The following NCOA1 variants were observed in gnomAD, a reference collection of about 807,000 sequenced individuals.
NCOA1 encodes the protein Hin-2 protein.
Under a neutral mutation model 150.9 loss-of-function variants are expected in NCOA1, and 35 were observed. That is an observed-to-expected ratio of 0.23 (90% CI 0.18 to 0.31). NCOA1 has a LOEUF of 0.31. Ranked by LOEUF, NCOA1 falls within the 10% of genes least tolerant of loss-of-function variation. The pLI, the probability that NCOA1 is intolerant of heterozygous loss-of-function variation, is 1.00. For synonymous variants in NCOA1, 590 were observed against 630.0 expected, an observed-to-expected ratio of 0.94 and a Z score of 0.95; for missense variants, 1,491 against 1,749.3, an observed-to-expected ratio of 0.85 and a Z score of 2.63.
At chr2:24,764,119 C>T (rs1433811054) in intron 22 of NCOA1, among the ~76,000 whole-genome samples, 1 of 152,152 alleles carries the variant, frequency 6.6e-6, no homozygotes, top group Non-Finnish European at 1.5e-5. Flanking sequence ...TTAAGCCTCA[C>T]TATAACCCTA....
intron 7 of NCOA1, among the ~76,000 whole-genome samples, chr2:24,674,078 T>C (rs1671793526): frequency 6.6e-6 from 1 of 152,052 alleles, no homozygotes; most frequent in African/African-American, 2.4e-5. Context: ...CTCATTACTT[T>C]AAATGCTTTC....
intron 1 of NCOA1, among the ~76,000 whole-genome samples, chr2:24,553,525 C>T (rs1244085245): frequency 2.0e-5 from 3 of 152,048 alleles, no homozygotes; most frequent in South Asian, 2.1e-4. Context: ...GCACAAATGC[C>T]GTTTTTTTCC....
intron 1 of NCOA1, among the ~76,000 whole-genome samples, chr2:24,549,056 C>T (rs1302080747): frequency 2.6e-5 from 4 of 152,184 alleles, no homozygotes; most frequent in Admixed American, 2.6e-4. Flanking sequence ...ACTGCCCTAA[C>T]AGAGGTTCTC....
intron 11 of NCOA1, among the ~76,000 whole-genome samples, chr2:24,699,435 A>G (rs1290188376): frequency 6.6e-6 from 1 of 152,202 alleles, no homozygotes; most frequent in Non-Finnish European, 1.5e-5. Context: ...TTAAAGTATT[A>G]TAAGTAACTA....
rs763158265 is a variant in NCOA1, at chr2:24,705,243, A to T, written c.1097+10A>T. The T allele has an allele frequency of 7.4e-6, 12 of 1,612,656 alleles. No individual in the cohort carries two copies. In the Admixed American group the frequency reaches 1.8e-4, roughly 25 times the overall value. ...TTCATATCATCGACAGGTACTACTT[A>T]TTTGGAGAGCTTCATATGAAATAAG... On this transcript the variant is annotated intron_variant, in intron 12 of 22. Transcript: ENST00000348332.
At chr2:24,597,530 C>T (rs1667932156) in intron 3 of NCOA1, among the ~76,000 whole-genome samples, 1 of 151,986 alleles carries the variant, frequency 6.6e-6, no homozygotes, top group Non-Finnish European at 1.5e-5. Flanking sequence ...GGAAGATTTT[C>T]AGGAAATGGC....
At chr2:24,600,523 G>GT (rs1668069491) in intron 3 of NCOA1, among the ~76,000 whole-genome samples, 1 of 152,116 alleles carries the variant, frequency 6.6e-6, no homozygotes, top group Admixed American at 6.5e-5. Flanking sequence ...AAATTATTAT[G>GT]TTTTTTATTT....
rs1673353041 is a variant in NCOA1 at position 24,705,112 on chromosome 2, C to G, written c.976C>G (p.Pro326Ala). ...EVMTRGTASSPSYRFILNDGT... is the reference protein window; with the variant it reads ...EVMTRGTASSASYRFILNDGT... ...GATGACTCGTGGCACTGCCTCCAGC[C>G]CCTCCTATAGATTCATATTGAATGA... Residue 326 changes from proline (P) to alanine (A), a missense_variant, in exon 12 of 23, where the codon CCC becomes GCC. Physicochemically the swap from Pro to Ala is conservative, Grantham distance 27. Coordinates refer to ENST00000348332, the MANE Select transcript of NCOA1 (RefSeq NM_003743.5). 3 of 1,613,768 alleles carry G rather than the reference C, an allele frequency of 1.9e-6. No homozygotes were observed. The highest frequency in any genetic ancestry group is 1.1e-5 in the South Asian group (1 of 91,024).
At chr2:24,677,088 A>G (rs1218502808) in intron 7 of NCOA1, among the ~76,000 whole-genome samples, 1 of 152,186 alleles carries the variant, frequency 6.6e-6, no homozygotes, top group Non-Finnish European at 1.5e-5. Context: ...TCACACCTGT[A>G]ATCCCAGCAC....
At chr2:24,724,020 C>A (rs1558316306) in intron 14 of NCOA1, among the ~76,000 whole-genome samples, 1 of 152,090 alleles carries the variant, frequency 6.6e-6, no homozygotes. Context: ...ATATCCTAAT[C>A]TTGGAAGTGA....
intron 6 of NCOA1, among the ~76,000 whole-genome samples, chr2:24,670,147 A>AC (rs1281204915): frequency 1.3e-5 from 2 of 151,732 alleles, no homozygotes; most frequent in Non-Finnish European, 2.9e-5. Context: ...AGGAAAAAAA[A>AC]CAGAAAAAGG....
At chr2:24,613,318 G>A (rs1484910663) in intron 3 of NCOA1, among the ~76,000 whole-genome samples, 1 of 152,198 alleles carries the variant, frequency 6.6e-6, no homozygotes, top group African/African-American at 2.4e-5. Flanking sequence ...ACAGGAAGAA[G>A]CTCTCTGTTG....
chr2:24,638,252 C>G (rs1012860320), intron 3 of NCOA1, among the ~76,000 whole-genome samples: 1 of 117,510 alleles, frequency 8.5e-6, no homozygotes, highest in Non-Finnish European at 1.8e-5. Flanking sequence ...ATTTTCTGTT[C>G]CTGGCTTATT....
chr2:24,571,627 T>A (rs1168510758), intron 2 of NCOA1, among the ~76,000 whole-genome samples: 1 of 152,208 alleles, frequency 6.6e-6, no homozygotes, highest in Non-Finnish European at 1.5e-5. Context: ...TTTTAATCCC[T>A]CTACTCCAGT....
intron 13 of NCOA1, 111 bp from the exon 14 acceptor site, chr2:24,710,820 A>C (rs7593430): frequency 0.89 from 886,943 of 1,000,054 alleles, 395,451 homozygotes; most frequent in East Asian, 0.99. Flanking sequence ...TTTCTTCATT[A>C]TCTCAAAGTC....
intron 3 of NCOA1, among the ~76,000 whole-genome samples, chr2:24,589,610 GGGAGA>G (rs1322358229): frequency 6.6e-6 from 1 of 150,818 alleles, no homozygotes; most frequent in East Asian, 2.0e-4. Flanking sequence ...AGTAGGCATA[GGGAGA>G]GGAAAGAGGT....
intron 14 of NCOA1, among the ~76,000 whole-genome samples, chr2:24,714,009 A>T (rs186307839): frequency 2.0e-4 from 30 of 152,330 alleles, no homozygotes; most frequent in Non-Finnish European, 3.4e-4. Context: ...AAGGAAGAAC[A>T]ACTATCAGGA....
chr2:24,668,818 G>A (rs1296789675), intron 6 of NCOA1, among the ~76,000 whole-genome samples: 5 of 151,206 alleles, frequency 3.3e-5, no homozygotes, highest in African/African-American at 1.2e-4. Flanking sequence ...AAAAAGGAAC[G>A]CATAAGAGTA....
intron 7 of NCOA1, among the ~76,000 whole-genome samples, chr2:24,676,835 G>A (rs1671932695): frequency 6.6e-6 from 1 of 152,004 alleles, no homozygotes; most frequent in African/African-American, 2.4e-5. Flanking sequence ...TTTCATAATT[G>A]GAAATATTAA....
Sources: allele counts gnomAD v4.1 joint callset (sites outside exome capture counted in the v4.1 genomes callset), GRCh38; gene constraint gnomAD v4.1.1; transcripts MANE v1.5; gene names NCBI Gene and HGNC (gene_info 2026-07-23, HGNC 2026-07-21).